The following NPRL3 variants were observed in gnomAD, a reference collection of about 807,000 sequenced individuals.
NPRL3 encodes the protein GATOR1 complex protein NPRL3.
A neutral mutation model predicts 57.2 loss-of-function variants in NPRL3; 23 were observed. That is an observed-to-expected ratio of 0.40 (90% CI 0.29 to 0.57). The LOEUF (loss-of-function observed/expected upper bound fraction) is 0.57, where lower values mean the gene tolerates loss of function less well. NPRL3 is among the 20% of genes least tolerant of loss of function. The pLI is 0.42. For synonymous variants in NPRL3, 333 were observed against 321.1 expected, an observed-to-expected ratio of 1.04 and a Z score of -0.39; for missense variants, 691 against 767.1, an observed-to-expected ratio of 0.90 and a Z score of 1.17.
In NPRL3 at chr16:85,604, G is replaced by C. The variant is rs146387164; in HGVS notation, c.*1101C>G. The C allele has an allele frequency of 5.9e-5, 95 of 1,610,076 alleles. No individual in the cohort carries two copies. The African/African-American group carries it at 1.2e-3, about 21-fold the overall frequency. Reference sequence around the variant, plus strand: ...GAGGGACCTGGCACAGGATGAAGCTGTATGGCTGGAGCGTGGTCCCCTGGA... The same window carrying C: ...GAGGGACCTGGCACAGGATGAAGCTCTATGGCTGGAGCGTGGTCCCCTGGA... On this transcript the variant is annotated 3_prime_UTR_variant, in exon 14 of 14. Transcript: ENST00000611875.
chr16:133,017 T>A (rs923527346), intron 2 of NPRL3, among the ~76,000 whole-genome samples: 1 of 152,192 alleles, frequency 6.6e-6, no homozygotes, highest in African/African-American at 2.4e-5. Flanking sequence ...TTAAATCTCA[T>A]GAACTAACTT....
Position 93,226 on chromosome 16 carries a change from C to A in NPRL3, c.1024G>T (p.Val342Leu), listed in dbSNP as rs11558704. ...GCAGCCAGCAGCACTCACAGACATA[C>A]GCTGGCATTGGGAGACAGCATGTAG... is the stretch of plus-strand genomic sequence containing the variant. ...NVYMLSPNAS[V>L]CLYSPLAEQF... The change falls in exon 10 of 14, where the codon GTA (valine) becomes TTA (leucine). Residue 342 changes from valine to leucine, a missense_variant. Transcript: ENST00000611875. 3,454 of 1,549,608 alleles carry A rather than the reference C, an allele frequency of 2.2e-3. 10 individuals carry two copies. The highest frequency in any genetic ancestry group is 2.5e-3 in the Non-Finnish European group (2,809 of 1,144,112).
chr16:108,505 A>T (rs1398286502), intron 7 of NPRL3, among the ~76,000 whole-genome samples: 2 of 152,196 alleles, frequency 1.3e-5, no homozygotes, highest in South Asian at 4.1e-4. Flanking sequence ...AATTTATCTT[A>T]TAGATACAGA....
chr16:111,591 G>A (rs944556191), intron 6 of NPRL3, among the ~76,000 whole-genome samples: 7 of 151,572 alleles, frequency 4.6e-5, no homozygotes, highest in Admixed American at 1.3e-4. Flanking sequence ...CTGGAACTAC[G>A]GGCACATATG....
At chr16:138,406 G>A (rs1901235037) in intron 1 of NPRL3, 72 bp from the exon 2 acceptor site, 2 of 479,160 alleles carry the variant, frequency 4.2e-6, no homozygotes, top group Non-Finnish European at 7.0e-6. Flanking sequence ...GCCTGAGGAG[G>A]GCAGGGGTGG....
chr16:111,023 C>T (rs947831443), intron 6 of NPRL3, among the ~76,000 whole-genome samples: 10 of 151,928 alleles, frequency 6.6e-5, no homozygotes, highest in Non-Finnish European at 1.0e-4. Context: ...AAAAAGATAA[C>T]GTTTAAAAAA....
chr16:93,459 G>A, intron 9 of NPRL3, 134 bp from the exon 10 acceptor site: 1 of 653,014 alleles, frequency 1.5e-6, no homozygotes, highest in South Asian at 1.8e-5. Flanking sequence ...GAACACACCT[G>A]GTGGCTATGG....
intron 2 of NPRL3, 41 bp downstream of exon 2, chr16:138,109 G>A (rs1567151937): frequency 6.7e-7 from 1 of 1,492,250 alleles, no homozygotes; most frequent in Non-Finnish European, 9.1e-7. Flanking sequence ...GGAATGAGGC[G>A]GCCCCCGCGA....
chr16:109,623 G>C (rs1324282381), intron 7 of NPRL3, among the ~76,000 whole-genome samples: 1 of 152,198 alleles, frequency 6.6e-6, no homozygotes, highest in Non-Finnish European at 1.5e-5. Context: ...GGTTCCAGCA[G>C]AGTGCATGCT....
intron 7 of NPRL3, among the ~76,000 whole-genome samples, chr16:104,839 G>C (rs77889135): frequency 6.6e-6 from 1 of 152,084 alleles, no homozygotes; most frequent in Non-Finnish European, 1.5e-5. Flanking sequence ...GAAAGGTGCC[G>C]GCCCAACCTC....
chr16:109,232 G>A (rs1324944271), intron 7 of NPRL3, among the ~76,000 whole-genome samples: 1 of 152,132 alleles, frequency 6.6e-6, no homozygotes, highest in African/African-American at 2.4e-5. Context: ...CTCCCAAAGT[G>A]CTGGGATTAC....
At chr16:101,613 C>T (rs188208211) in intron 7 of NPRL3, among the ~76,000 whole-genome samples, 1 of 152,316 alleles carries the variant, frequency 6.6e-6, no homozygotes, top group Non-Finnish European at 1.5e-5. Flanking sequence ...GTCCAAAATC[C>T]AGGCCTTTTC....
Position 86,040 on chromosome 16 carries a change from A to C in NPRL3, c.*665T>G. The C allele has an allele frequency of 2.7e-6, 1 of 367,796 alleles. No individual in the cohort carries two copies. The highest frequency in any genetic ancestry group is 4.8e-6 in the Non-Finnish European group (1 of 208,100). 22.8% of individuals were successfully genotyped at this position (367,796 alleles called of 1,614,324 possible). A position where few individuals can be genotyped will look rare whatever the true frequency, so the allele number is the denominator to read the frequency against. ...AGTGGGCCATGCCTCCACCAGCAAG[A>C]TGTGCACAGGTGACAGGGCTTCTCC... On this transcript the variant is annotated 3_prime_UTR_variant, in exon 14 of 14. Transcript: ENST00000611875.
chr16:138,347 G>C lies in NPRL3; in HGVS notation c.-67-13C>G, dbSNP rs938233838. The C allele has an allele frequency of 1.6e-4, 95 of 607,472 alleles. 3 individuals are homozygous for C. Among genetic ancestry groups the C allele is most frequent in the Non-Finnish European group, 1.9e-4 (85 of 453,424 alleles). 37.6% of individuals were successfully genotyped at this position (607,472 alleles called of 1,614,324 possible). ...AGGCGGAGGGGGCCTGAGGAGGACG[G>C]AGCCGGAGGCGGAGGGGGCCTGAGG... On this transcript the variant is annotated splice_polypyrimidine_tract_variant and intron_variant, in intron 1 of 13. Coordinates refer to ENST00000611875, the MANE Select transcript of NPRL3 (RefSeq NM_001077350.3).
At chr16:108,493 G>A (rs1466539942) in intron 7 of NPRL3, among the ~76,000 whole-genome samples, 1 of 151,918 alleles carries the variant, frequency 6.6e-6, no homozygotes, top group Non-Finnish European at 1.5e-5. Context: ...AATGCCTTTA[G>A]GAATTTATCT....
In NPRL3 at chr16:85,387, T is replaced by C. The variant is rs1169434210; in HGVS notation, c.*1318A>G. 1 of 1,587,274 alleles carries C rather than the reference T, an allele frequency of 6.3e-7. No individual in the cohort carries two copies. Among genetic ancestry groups the C allele is most frequent in the Non-Finnish European group, 8.6e-7 (1 of 1,165,964 alleles). On this transcript the variant is annotated 3_prime_UTR_variant, in exon 14 of 14. Coordinates refer to ENST00000611875, the MANE Select transcript of NPRL3 (RefSeq NM_001077350.3). Reference sequence around the variant, plus strand: ...GCCTAGGGAGGCTCCACTTCCAAACTGTCCGTCCCACAGGGGACGGGGCTT... The same window carrying C: ...GCCTAGGGAGGCTCCACTTCCAAACCGTCCGTCCCACAGGGGACGGGGCTT...
chr16:85,892 A>G lies in NPRL3; in HGVS notation c.*813T>C. On this transcript the variant is annotated 3_prime_UTR_variant, in exon 14 of 14. Transcript: ENST00000611875. ...CTCTAGGTGATCAACCCATGTCTGGAGCTAGCTCTTCCTCCAGGACACGAG... is the reference window on the plus strand; with the variant it reads ...CTCTAGGTGATCAACCCATGTCTGGGGCTAGCTCTTCCTCCAGGACACGAG... 8.3e-7 allele frequency: 1 copy of G among 1,211,164 alleles called. No homozygotes were observed. Among genetic ancestry groups the G allele is most frequent in the Non-Finnish European group, 1.1e-6 (1 of 939,354 alleles). The allele number at this position is 1,211,164 out of a possible 1,614,324, so 75.0% of individuals were successfully genotyped here. A position where few individuals can be genotyped will look rare whatever the true frequency, so the allele number is the denominator to read the frequency against.
Position 130,407 on chromosome 16 carries a change from AAAAC to A in NPRL3, c.188+111_188+114del, listed in dbSNP as rs3833073. On this transcript the variant is annotated intron_variant, in intron 3 of 13. Coordinates refer to ENST00000611875, the MANE Select transcript of NPRL3 (RefSeq NM_001077350.3). ...CCTGAGAGCACCCACTAAACGGAAA[AAAAC>A]AAACACCAGACTTCTCAGGGAGAAA... is the stretch of plus-strand genomic sequence containing the variant. 0.38 allele frequency: 423,277 copies of A among 1,118,542 alleles called. 82,771 individuals carry two copies. The highest frequency in any genetic ancestry group is 0.51 in the Admixed American group (23,644 of 46,106). The allele number at this position is 1,118,542 out of a possible 1,614,324, so 69.3% of individuals were successfully genotyped here.
At chr16:86,976 C>G in intron 13 of NPRL3, 106 bp from the exon 14 acceptor site, 2 of 1,209,394 alleles carry the variant, frequency 1.7e-6, no homozygotes, top group Non-Finnish European at 2.3e-6. Context: ...CAGGCCTGAA[C>G]AGAGCTGGTG....
Sources: gnomAD v4.1 joint callset for allele counts (sites outside exome capture counted in the v4.1 genomes callset) on GRCh38, gnomAD v4.1.1 for gene constraint, MANE v1.5 for transcripts, NCBI Gene and HGNC (gene_info 2026-07-23, HGNC 2026-07-21) for gene names.